The following NBEA variants were observed in gnomAD, a reference collection of about 807,000 sequenced individuals.
NBEA encodes lysosomal-trafficking regulator 2.
NBEA carries 44 observed loss-of-function variants against 343.4 expected under a neutral mutation model. The observed-to-expected ratio is 0.13, with a 90% CI of 0.10 to 0.16. The LOEUF (loss-of-function observed/expected upper bound fraction) is 0.16. Among genes scored for constraint, NBEA ranks in the 10% least tolerant of loss-of-function variants. The probability of loss-of-function intolerance (pLI) is 1.00; values close to 1 mark genes in which losing one functional copy is unlikely to be tolerated. For missense variants in NBEA, 2,555 were observed against 3,631.3 expected, an observed-to-expected ratio of 0.70 and a Z score of 7.62; for synonymous variants, 1,175 against 1,238.7, an observed-to-expected ratio of 0.95 and a Z score of 1.08.
chr13:35,037,796 A>T (rs540511689), intron 1 of NBEA, among the ~76,000 whole-genome samples: 39 of 152,150 alleles, frequency 2.6e-4, no homozygotes, highest in Non-Finnish European at 4.4e-4. Context: ...TCACACCTGA[A>T]GCAAGCACAG....
chr13:35,499,377 A>G (rs928809092), intron 41 of NBEA, among the ~76,000 whole-genome samples: 4 of 152,090 alleles, frequency 2.6e-5, no homozygotes, highest in Non-Finnish European at 5.9e-5. Context: ...TGAGTGACTG[A>G]CTAGAAAGTG....
chr13:35,549,152 A>G (rs1547839), intron 41 of NBEA, among the ~76,000 whole-genome samples: 139,634 of 152,178 alleles, frequency 0.92, 64,413 homozygotes, highest in East Asian at 1. Context: ...GACTGCCTCC[A>G]AAAACCTTTC....
At position 35,665,224 on chromosome 13, in the gene NBEA, A is replaced by G. The variant is rs759290990; in HGVS notation, c.8464+38A>G. The G allele has an allele frequency of 3.4e-6, 5 of 1,489,774 alleles. No homozygotes were observed. The South Asian group carries it at 6.0e-5, about 18-fold the overall frequency. The allele number at this position is 1,489,774 out of a possible 1,614,324, so 92.3% of individuals were successfully genotyped here. ...TTCTTTCATTTTCAATGTCTAGAAG[A>G]TGACTGTTTTCTCACACTAAGCGTG... On this transcript the variant is annotated intron_variant, in intron 56 of 58. Coordinates refer to ENST00000379939, the MANE Select transcript of NBEA (RefSeq NM_001385012.1).
intron 24 of NBEA, among the ~76,000 whole-genome samples, chr13:35,164,913 TAATAC>T (rs1350654047): frequency 2.0e-5 from 3 of 152,214 alleles, no homozygotes; most frequent in Non-Finnish European, 2.9e-5. Flanking sequence ...TGTGTTAATA[TAATAC>T]ATTTTAAAGG....
At chr13:35,382,514 A>C (rs540561706) in intron 38 of NBEA, among the ~76,000 whole-genome samples, 45 of 152,278 alleles carry the variant, frequency 3.0e-4, no homozygotes, top group Non-Finnish European at 5.4e-4. Context: ...AGTATACTGC[A>C]TTTGGAGTAG....
chr13:35,323,600 A>T (rs1594216395), intron 36 of NBEA, among the ~76,000 whole-genome samples: 1 of 150,776 alleles, frequency 6.6e-6, no homozygotes, highest in South Asian at 2.1e-4. Context: ...GCATTGGGAG[A>T]TATACCTAAT....
At chr13:35,453,324 T>G (rs887507571) in intron 40 of NBEA, among the ~76,000 whole-genome samples, 1 of 152,228 alleles carries the variant, frequency 6.6e-6, no homozygotes, top group African/African-American at 2.4e-5. Flanking sequence ...TTCTATATTA[T>G]TCACATTTCT....
chr13:35,088,267 T>C (rs2064875734), intron 10 of NBEA, among the ~76,000 whole-genome samples: 1 of 151,910 alleles, frequency 6.6e-6, no homozygotes, highest in South Asian at 2.1e-4. Flanking sequence ...AATTCCATAC[T>C]TCAAAAGAAA....
rs1054885736 is a variant in NBEA at position 35,159,719 on chromosome 13, A to G, written c.3548A>G (p.Asp1183Gly). ...CAAGTACATCTTGGTGTTAGTGATG[A>G]TCTTGGATTGCTTGCTCACATGACC... ...DTQVHLGVSD[D>G]LGLLAHMTGS... Residue 1183 changes from aspartate to glycine, a missense_variant, in exon 22 of 59, where the codon GAT becomes GGT. By Grantham distance (94) the Asp-to-Gly change is moderately conservative. Coordinates refer to ENST00000379939, the MANE Select transcript of NBEA (RefSeq NM_001385012.1). 47 of 1,612,444 alleles carry G rather than the reference A, an allele frequency of 2.9e-5. No individual in the cohort carries two copies. Among genetic ancestry groups the G allele is most frequent in the Non-Finnish European group, 3.6e-5 (43 of 1,178,986 alleles).
At chr13:35,195,474 C>T (rs965847517) in intron 30 of NBEA, among the ~76,000 whole-genome samples, 2 of 151,998 alleles carry the variant, frequency 1.3e-5, no homozygotes, top group African/African-American at 4.8e-5. Flanking sequence ...TTTCAGTTCA[C>T]TGCAACATCC....
chr13:35,509,032 C>G (rs1441378347), intron 41 of NBEA, among the ~76,000 whole-genome samples: 3 of 152,182 alleles, frequency 2.0e-5, no homozygotes, highest in Non-Finnish European at 4.4e-5. Context: ...TGGCCTGATG[C>G]CTTATTGTCC....
intron 39 of NBEA, among the ~76,000 whole-genome samples, chr13:35,441,456 T>C (rs569622091): frequency 6.6e-6 from 1 of 152,298 alleles, no homozygotes; most frequent in East Asian, 1.9e-4. Context: ...ACAATATAAA[T>C]GCTAACTTGC....
chr13:35,198,566 C>G (rs1374841108), intron 31 of NBEA, among the ~76,000 whole-genome samples: 2 of 151,980 alleles, frequency 1.3e-5, no homozygotes, highest in Admixed American at 1.3e-4. Context: ...AAAAATACAG[C>G]TTTTTATGTT....
At chr13:35,165,722 T>A (rs899647487) in intron 24 of NBEA, among the ~76,000 whole-genome samples, 2 of 150,976 alleles carry the variant, frequency 1.3e-5, no homozygotes, top group Non-Finnish European at 3.0e-5. Context: ...TATCATTCTG[T>A]GACCCAGGCT....
At chr13:35,100,421 G>A (rs2065585602) in intron 11 of NBEA, among the ~76,000 whole-genome samples, 1 of 151,878 alleles carries the variant, frequency 6.6e-6, no homozygotes, top group Non-Finnish European at 1.5e-5. Context: ...TTGAATGACA[G>A]AATACTCTTT....
intron 49 of NBEA, among the ~76,000 whole-genome samples, chr13:35,630,549 G>A (rs1387548868): frequency 6.6e-6 from 1 of 152,080 alleles, no homozygotes; most frequent in African/African-American, 2.4e-5. Flanking sequence ...TCAGGACTCT[G>A]TCTCCTTTCA....
chr13:35,265,762 GA>G (rs2033619743), intron 34 of NBEA, among the ~76,000 whole-genome samples: 1 of 151,814 alleles, frequency 6.6e-6, no homozygotes, highest in Non-Finnish European at 1.5e-5. Context: ...ACTACTAGAA[GA>G]AAATATAGTG....
At chr13:35,254,981 C>G (rs1399814903) in intron 34 of NBEA, among the ~76,000 whole-genome samples, 1 of 151,988 alleles carries the variant, frequency 6.6e-6, no homozygotes, top group Admixed American at 6.6e-5. Context: ...GGGAATAATA[C>G]AATAAGATTA....
chr13:35,628,110 A>G lies in NBEA; in HGVS notation c.7479A>G (p.Gln2493=), dbSNP rs777900782. 8.1e-6 allele frequency: 13 copies of G among 1,612,440 alleles called. No homozygotes were observed. In the East Asian group the frequency reaches 8.9e-5, roughly 11 times the overall value. The change falls in exon 49 of 59, where the codon CAA becomes CAG. Residue 2493 remains glutamine, a synonymous_variant. Transcript: ENST00000379939. ...TAGAAAGTGAATTTGTTTCTTGCCA[A>G]CTTCATCAGTGGATCGACCTTATAT... ...MALESEFVSC[Q]LHQWIDLIFG...
Sources: gnomAD v4.1 joint callset for allele counts (sites outside exome capture counted in the v4.1 genomes callset) on GRCh38, gnomAD v4.1.1 for gene constraint, MANE v1.5 for transcripts, NCBI Gene and HGNC (gene_info 2026-07-23, HGNC 2026-07-21) for gene names.